CTHRC1: variants seen among roughly 807,000 people sequenced by gnomAD.
CTHRC1 encodes collagen triple helix repeat-containing protein 1.
A neutral mutation model predicts 25.9 loss-of-function variants in CTHRC1; 21 were observed. The ratio of observed to expected loss-of-function variants is 0.81; its 90% CI spans 0.57 to 1.17. The LOEUF (loss-of-function observed/expected upper bound fraction) is 1.17. Among genes scored for constraint, CTHRC1 ranks in the 50% most tolerant of loss-of-function variants. The pLI is 0.00. For missense variants in CTHRC1, 281 were observed against 304.3 expected, an observed-to-expected ratio of 0.92 and a Z score of 0.57; for synonymous variants, 109 against 113.1, an observed-to-expected ratio of 0.96 and a Z score of 0.23.
At chr8:103,372,841 A>AT (rs146221155) in intron 1 of CTHRC1, among the ~76,000 whole-genome samples, 106 of 151,234 alleles carry the variant, frequency 7.0e-4, no homozygotes, top group South Asian at 2.1e-3. Context: ...AAGTTGGGGC[A>AT]TTTTTTTTTA....
Position 103,371,630 on chromosome 8 carries a change from C to T in CTHRC1, c.-27C>T. On this transcript the variant is annotated 5_prime_UTR_variant, in exon 1 of 4. Transcript: ENST00000330295. Reference sequence around the variant, plus strand: ...TCTCCTCGGTCTCCTCCGCCTCCAGCTCCGCGCTGCCCGGCAGCCGGGAGC... The same window carrying T: ...TCTCCTCGGTCTCCTCCGCCTCCAGTTCCGCGCTGCCCGGCAGCCGGGAGC... 6.5e-7 allele frequency: 1 copy of T among 1,529,136 alleles called. No homozygotes were observed. The allele number at this position is 1,529,136 out of a possible 1,614,324, so 94.7% of individuals were successfully genotyped here.
rs1161817701 is a variant in CTHRC1 at position 103,371,615 on chromosome 8, C to A, written c.-42C>A. 9 of 1,525,562 alleles carry A rather than the reference C, an allele frequency of 5.9e-6. No individual in the cohort carries two copies. Among genetic ancestry groups the A allele is most frequent in the Non-Finnish European group, 7.9e-6 (9 of 1,138,268 alleles). The allele number at this position is 1,525,562 out of a possible 1,614,324, so 94.5% of individuals were successfully genotyped here. ...CGCTGACCACGTTCCTCTCCTCGGT[C>A]TCCTCCGCCTCCAGCTCCGCGCTGC... On this transcript the variant is annotated 5_prime_UTR_variant, in exon 1 of 4. Transcript: ENST00000330295.
intron 2 of CTHRC1, among the ~76,000 whole-genome samples, chr8:103,377,730 A>G (rs1815830246): frequency 6.6e-6 from 1 of 152,158 alleles, no homozygotes; most frequent in Non-Finnish European, 1.5e-5. Context: ...CAGCCTCCCG[A>G]GTAACTGGGA....
Position 103,375,972 on chromosome 8 carries a change from T to A in CTHRC1, c.372+13T>A, listed in dbSNP as rs377662370. 8 of 1,588,300 alleles carry A rather than the reference T, an allele frequency of 5.0e-6. No individual in the cohort carries two copies. The highest frequency in any genetic ancestry group is 6.9e-6 in the Non-Finnish European group (8 of 1,158,718). On this transcript the variant is annotated intron_variant, in intron 2 of 3. Transcript: ENST00000330295. ...TGGGAAAATTGCGGTAAGTTTGAAT[T>A]ATTTTAAAATTGAAGCAAGATTTAA...
chr8:103,371,823 C>T lies in CTHRC1; in HGVS notation c.150+17C>T, dbSNP rs1292384967. The T allele has an allele frequency of 6.1e-6, 9 of 1,485,482 alleles. No individual in the cohort carries two copies. The highest frequency in any genetic ancestry group is 8.0e-6 in the Non-Finnish European group (9 of 1,119,098). 92.0% of individuals were successfully genotyped at this position (1,485,482 alleles called of 1,614,324 possible). A position where few individuals can be genotyped will look rare whatever the true frequency, so the allele number is the denominator to read the frequency against. ...GTGGACCTGGTGAGTCCGAGGGAGC[C>T]GAGCCGGGACCGCCGCGCTGGTGGA... On this transcript the variant is annotated intron_variant, in intron 1 of 3. Transcript: ENST00000330295.
intron 1 of CTHRC1, 38 bp downstream of exon 1, chr8:103,371,844 G>A: frequency 1.4e-6 from 2 of 1,474,672 alleles, no homozygotes; most frequent in Non-Finnish European, 1.8e-6. Context: ...CGCCGCGCTG[G>A]TGGAGGGGAC....
intron 1 of CTHRC1, chr8:103,372,308 C>A: frequency 1.5e-6 from 1 of 668,458 alleles, no homozygotes; most frequent in Non-Finnish European, 2.3e-6. Context: ...AATAACAACC[C>A]CCACAAAGCA....
chr8:103,377,275 G>GA, intron 2 of CTHRC1: 1 of 152,398 alleles, frequency 6.6e-6, no homozygotes, highest in East Asian at 1.9e-4. Context: ...AACACGTCAA[G>GA]AGTCAATACG....
At chr8:103,381,217 G>C (rs1815904067) in intron 3 of CTHRC1, among the ~76,000 whole-genome samples, 2 of 151,880 alleles carry the variant, frequency 1.3e-5, no homozygotes, top group Admixed American at 6.6e-5. Context: ...ATTTACATTA[G>C]GTATTTCTCC....
In CTHRC1 at chr8:103,382,945, T is replaced by TAAG. The variant is rs1815940204; in HGVS notation, c.*348_*350dup. 1 of 180,148 alleles carries TAAG rather than the reference T, an allele frequency of 5.6e-6. No homozygotes were observed. The highest frequency in any genetic ancestry group is 2.4e-5 in the African/African-American group (1 of 41,792). 11.2% of individuals were successfully genotyped at this position (180,148 alleles called of 1,614,324 possible). A position where few individuals can be genotyped will look rare whatever the true frequency, so the allele number is the denominator to read the frequency against. On this transcript the variant is annotated 3_prime_UTR_variant, in exon 4 of 4. Coordinates refer to ENST00000330295, the MANE Select transcript of CTHRC1 (RefSeq NM_138455.4). ...CAATCTTTGTACAATTTGTAAATGT[T>TAAG]AAGAATTTTTTTTATATCTGTTAAA...
intron 3 of CTHRC1, 34 bp from the exon 4 acceptor site, chr8:103,382,424 A>G (rs1815929521): frequency 2.5e-6 from 4 of 1,612,084 alleles, no homozygotes; most frequent in East Asian, 2.2e-5. Context: ...TCTTTGTTCT[A>G]AAGAAAGATG....
chr8:103,371,630 C>G lies in CTHRC1; in HGVS notation c.-27C>G. On this transcript the variant is annotated 5_prime_UTR_variant, in exon 1 of 4. Coordinates refer to ENST00000330295, the MANE Select transcript of CTHRC1 (RefSeq NM_138455.4). Reference sequence around the variant, plus strand: ...TCTCCTCGGTCTCCTCCGCCTCCAGCTCCGCGCTGCCCGGCAGCCGGGAGC... The same window carrying G: ...TCTCCTCGGTCTCCTCCGCCTCCAGGTCCGCGCTGCCCGGCAGCCGGGAGC... 1 of 1,529,136 alleles carries G rather than the reference C, an allele frequency of 6.5e-7. No individual in the cohort carries two copies. Among genetic ancestry groups the G allele is most frequent in the Non-Finnish European group, 8.8e-7 (1 of 1,139,752 alleles). 94.7% of individuals were successfully genotyped at this position (1,529,136 alleles called of 1,614,324 possible).
At position 103,375,881 on chromosome 8, in the gene CTHRC1, T is replaced by G. The variant is rs770966489; in HGVS notation, c.294T>G (p.Phe98Leu). Reference protein sequence around the residue: ...GEKGECLRESFEESWTPNYKQ... With the variant: ...GEKGECLRESLEESWTPNYKQ... ...AGGGGGAATGTCTGAGGGAAAGCTT[T>G]GAGGAGTCCTGGACACCCAACTACA... The change falls in exon 2 of 4, where the codon TTT becomes TTG. Residue 98 changes from phenylalanine (F) to leucine (L), a missense_variant. Physicochemically the swap from Phe to Leu is conservative, Grantham distance 22. Coordinates refer to ENST00000330295, the MANE Select transcript of CTHRC1 (RefSeq NM_138455.4). 2.5e-6 allele frequency: 4 copies of G among 1,614,126 alleles called. No individual in the cohort carries two copies. The highest frequency in any genetic ancestry group is 2.2e-5 in the South Asian group (2 of 91,074).
At chr8:103,381,460 AT>A (rs746029604) in intron 3 of CTHRC1, among the ~76,000 whole-genome samples, 247 of 121,390 alleles carry the variant, frequency 2.0e-3, no homozygotes, top group Non-Finnish European at 2.0e-3. Context: ...TGACTGAGGG[AT>A]TTTTTTTTTT....
chr8:103,372,309 C>G, intron 1 of CTHRC1: 1 of 686,432 alleles, frequency 1.5e-6, no homozygotes, highest in Non-Finnish European at 2.2e-6. Flanking sequence ...ATAACAACCC[C>G]CACAAAGCAT....
intron 3 of CTHRC1, among the ~76,000 whole-genome samples, chr8:103,379,547 G>A (rs1055686747): frequency 6.6e-6 from 1 of 151,756 alleles, no homozygotes; most frequent in African/African-American, 2.4e-5. Flanking sequence ...AGCCATTTTG[G>A]TTTCTTGAGT....
intron 1 of CTHRC1, among the ~76,000 whole-genome samples, chr8:103,373,329 C>T (rs1329185046): frequency 6.6e-6 from 1 of 152,140 alleles, no homozygotes; most frequent in Non-Finnish European, 1.5e-5. Context: ...TTCTATAAAG[C>T]AACTTCTTTG....
At position 103,378,091 on chromosome 8, in the gene CTHRC1, G is replaced by A. The variant is rs367999587; in HGVS notation, c.437G>A (p.Arg146Gln). 7 of 1,614,110 alleles carry A rather than the reference G, an allele frequency of 4.3e-6. No individual in the cohort carries two copies. The highest frequency in any genetic ancestry group is 1.7e-5 in the Admixed American group (1 of 60,018). Residue 146 changes from arginine to glutamine, a missense_variant, in exon 3 of 4, where the codon CGG (arginine) becomes CAG (glutamine). By Grantham distance (43) the Arg-to-Gln change is conservative. Coordinates refer to ENST00000330295, the MANE Select transcript of CTHRC1 (RefSeq NM_138455.4). ...ALRVLFSGSL[R>Q]LKCRNACCQR... ...AGAGTTTTGTTCAGTGGCTCACTTC[G>A]GCTAAAATGCAGAAATGCATGCTGT...
At chr8:103,372,893 A>G (rs1815735150) in intron 1 of CTHRC1, among the ~76,000 whole-genome samples, 1 of 152,148 alleles carries the variant, frequency 6.6e-6, no homozygotes, top group Non-Finnish European at 1.5e-5. Context: ...GCCATTTTAA[A>G]CTGAGCTAAT....
Sources: gnomAD v4.1 joint callset for allele counts (sites outside exome capture counted in the v4.1 genomes callset) on GRCh38, gnomAD v4.1.1 for gene constraint, MANE v1.5 for transcripts, NCBI Gene and HGNC (gene_info 2026-07-23, HGNC 2026-07-21) for gene names.